CYTIP: variants seen among roughly 807,000 people sequenced by gnomAD.
The protein encoded by CYTIP is cytohesin-interacting protein.
In CYTIP, 26 loss-of-function variants were observed where a neutral mutation model predicts 43.8. The observed-to-expected ratio is 0.59, with a 90% CI of 0.44 to 0.82. The LOEUF (loss-of-function observed/expected upper bound fraction) is 0.82. CYTIP is among the 40% of genes least tolerant of loss of function. CYTIP has a pLI of 0.00. For missense variants in CYTIP, 426 were observed against 443.1 expected (o/e 0.96, Z 0.35); for synonymous variants, 162 against 162.9 (o/e 0.99, Z 0.04).
chr2:157,416,863 T>C (rs1257211861), intron 7 of CYTIP, among the ~76,000 whole-genome samples: 5 of 152,146 alleles, frequency 3.3e-5, no homozygotes, highest in Non-Finnish European at 7.4e-5. Flanking sequence ...ATTTTTTTCA[T>C]TGATCCTTAA....
intron 1 of CYTIP, among the ~76,000 whole-genome samples, chr2:157,441,710 C>CT (rs759686839): frequency 6.6e-6 from 1 of 152,112 alleles, no homozygotes; most frequent in Non-Finnish European, 1.5e-5. Flanking sequence ...TGATTGCCTT[C>CT]TTTCAGTTCA....
intron 1 of CYTIP, among the ~76,000 whole-genome samples, chr2:157,443,396 G>A (rs1685946928): frequency 6.6e-6 from 1 of 152,196 alleles, no homozygotes; most frequent in African/African-American, 2.4e-5. Context: ...ACCCAGAGCT[G>A]AAGATAATTA....
At position 157,437,014 on chromosome 2, in the gene CYTIP, A is replaced by C. The variant is rs571750167; in HGVS notation, c.175-2267T>G. 3.5e-4 allele frequency among the ~76,000 whole-genome samples: 53 copies of C among 152,318 alleles called. 2 individuals carry two copies. The South Asian group carries it at 0.011, about 30-fold the overall frequency. ...AGACAACTGTATATCCATATGCAGA[A>C]GAAAGAAACTAGACCATACCTCTCA... On this transcript the variant is annotated intron_variant, in intron 1 of 7. Transcript: ENST00000264192.
At position 157,415,416 on chromosome 2, in the gene CYTIP, T is replaced by C. The variant is rs1019898220; in HGVS notation, c.*261A>G. 10 of 356,222 alleles carry C rather than the reference T, an allele frequency of 2.8e-5. No individual in the cohort carries two copies. In the South Asian group the frequency reaches 4.2e-4, roughly 15 times the overall value. The allele number at this position is 356,222 out of a possible 1,614,324, so 22.1% of individuals were successfully genotyped here. Reference sequence around the variant, plus strand: ...TTAGTTTTGCTTTCAAAGACATTACTGGAATGAGCAGGAACCTGCATCTTT... The same window carrying C: ...TTAGTTTTGCTTTCAAAGACATTACCGGAATGAGCAGGAACCTGCATCTTT... On this transcript the variant is annotated 3_prime_UTR_variant, in exon 8 of 8. Transcript: ENST00000264192.
intron 3 of CYTIP, 67 bp downstream of exon 3, chr2:157,434,303 C>A: frequency 8.1e-7 from 1 of 1,228,006 alleles, no homozygotes; most frequent in Non-Finnish European, 1.2e-6. Flanking sequence ...TTTTTCTTTG[C>A]ACATAACATG....
intron 1 of CYTIP, among the ~76,000 whole-genome samples, chr2:157,440,324 C>T (rs961889270): frequency 2.0e-5 from 3 of 152,076 alleles, no homozygotes; most frequent in East Asian, 1.9e-4. Context: ...GTTAAGTGCC[C>T]GGAGAAACCG....
chr2:157,417,525 A>G (rs1685456008), intron 7 of CYTIP, among the ~76,000 whole-genome samples: 1 of 152,212 alleles, frequency 6.6e-6, no homozygotes, highest in African/African-American at 2.4e-5. Flanking sequence ...GTCTAAAGAA[A>G]GCAAGGAGGT....
chr2:157,423,916 TA>T (rs1156653844), intron 6 of CYTIP, among the ~76,000 whole-genome samples: 2 of 152,076 alleles, frequency 1.3e-5, no homozygotes, highest in African/African-American at 4.8e-5. Context: ...AACAGATGCA[TA>T]AAAAAAGTAT....
chr2:157,415,969 G>A lies in CYTIP; in HGVS notation c.788C>T (p.Thr263Met), dbSNP rs200585803. The change falls in exon 8 of 8, where the codon ACG becomes ATG. Residue 263 changes from threonine (T) to methionine (M), a missense_variant. By Grantham distance (81) the Thr-to-Met change is moderately conservative (BLOSUM62 -1). Coordinates refer to ENST00000264192, the MANE Select transcript of CYTIP (RefSeq NM_004288.5). ...MTMDSEDGYQ[T>M]CVSEDSSRGA... is the part of the protein sequence containing the mutation. ...CCTGCTGGAGTCCTCAGACACACACGTCTGGTAGCCATCTTCACTGTCCAT... is the reference window on the plus strand; with the variant it reads ...CCTGCTGGAGTCCTCAGACACACACATCTGGTAGCCATCTTCACTGTCCAT... 407 of 1,614,078 alleles carry A rather than the reference G, an allele frequency of 2.5e-4. No individual in the cohort carries two copies. The highest frequency in any genetic ancestry group is 3.3e-4 in the Non-Finnish European group (388 of 1,180,036).
At chr2:157,436,750 C>T (rs745797555) in intron 1 of CYTIP, among the ~76,000 whole-genome samples, 2 of 151,926 alleles carry the variant, frequency 1.3e-5, no homozygotes, top group Non-Finnish European at 2.9e-5. Context: ...AGAATGGAAA[C>T]TTAAAAATGG....
At chr2:157,417,824 G>C (rs1440472566) in intron 7 of CYTIP, among the ~76,000 whole-genome samples, 1 of 152,114 alleles carries the variant, frequency 6.6e-6, no homozygotes, top group Non-Finnish European at 1.5e-5. Context: ...CTAGGTTACA[G>C]ACTTAAGCTT....
In CYTIP at chr2:157,415,938, G is replaced by T. The variant is rs138085603; in HGVS notation, c.819C>A (p.Ala273=). 1,356 of 1,614,066 alleles carry T rather than the reference G, an allele frequency of 8.4e-4. 3 individuals are homozygous for T. The highest frequency in any genetic ancestry group is 1.1e-3 in the Non-Finnish European group (1,253 of 1,180,034). Residue 273 remains alanine, a synonymous_variant, in exon 8 of 8, where the codon GCC becomes GCA. Coordinates refer to ENST00000264192, the MANE Select transcript of CYTIP (RefSeq NM_004288.5). ...TCVSEDSSRG[A]FSRQTSTDDE... ...CATCTGTACTCGTCTGCCGACTGAA[G>T]GCACCCCTGCTGGAGTCCTCAGACA...
intron 6 of CYTIP, among the ~76,000 whole-genome samples, chr2:157,421,407 A>G (rs1218534963): frequency 6.6e-6 from 1 of 152,262 alleles, no homozygotes; most frequent in Non-Finnish European, 1.5e-5. Flanking sequence ...ATACAGCTGA[A>G]CATTTCCATG....
chr2:157,418,594 G>C lies in CYTIP; in HGVS notation c.547-5C>G. 7.1e-7 allele frequency: 1 copy of C among 1,417,790 alleles called. No homozygotes were observed. The highest frequency in any genetic ancestry group is 1.4e-5 in the South Asian group (1 of 72,308). The allele number at this position is 1,417,790 out of a possible 1,614,324, so 87.8% of individuals were successfully genotyped here. On this transcript the variant is annotated splice_polypyrimidine_tract_variant and splice_region_variant and intron_variant, in intron 6 of 7. Transcript: ENST00000264192. ...CCATTTTTGTTTCAAAGTTTGCTGT[G>C]AGATTAAAAAAAAAAAAAAAAAGTT...
chr2:157,436,230 A>ATTGGACTGTGTATTGGTATTGGACTGT (rs1685805314), intron 1 of CYTIP, among the ~76,000 whole-genome samples: 1 of 152,204 alleles, frequency 6.6e-6, no homozygotes, highest in African/African-American at 2.4e-5. Flanking sequence ...AATGCCTACA[A>ATTGGACTGTGTATTGGTATTGGACTGT]GGATTGGTAT....
At chr2:157,433,523 T>C (rs1685746117) in intron 3 of CYTIP, among the ~76,000 whole-genome samples, 1 of 152,064 alleles carries the variant, frequency 6.6e-6, no homozygotes, top group Non-Finnish European at 1.5e-5. Context: ...AAAGCTAAGA[T>C]CTAAAATCTG....
intron 3 of CYTIP, among the ~76,000 whole-genome samples, chr2:157,432,303 A>G (rs1685725615): frequency 6.6e-6 from 1 of 152,192 alleles, no homozygotes; most frequent in Admixed American, 6.5e-5. Flanking sequence ...GTAGTTAGAA[A>G]TAGAAAAAAA....
chr2:157,418,670 A>G (rs935352415), intron 6 of CYTIP, 81 bp from the exon 7 acceptor site: 5 of 1,307,086 alleles, frequency 3.8e-6, no homozygotes, highest in Non-Finnish European at 5.2e-6. Context: ...CTAGGTGTTG[A>G]GATTTGTCAT....
In CYTIP at chr2:157,415,413, T is replaced by G. The variant is rs1188008352; in HGVS notation, c.*264A>C. ...ATATTAGTTTTGCTTTCAAAGACAT[T>G]ACTGGAATGAGCAGGAACCTGCATC... On this transcript the variant is annotated 3_prime_UTR_variant, in exon 8 of 8. Coordinates refer to ENST00000264192, the MANE Select transcript of CYTIP (RefSeq NM_004288.5). 2 of 347,300 alleles carry G rather than the reference T, an allele frequency of 5.8e-6. No homozygotes were observed. Among genetic ancestry groups the G allele is most frequent in the Admixed American group, 9.0e-5 (2 of 22,186 alleles). The allele number at this position is 347,300 out of a possible 1,614,324, so 21.5% of individuals were successfully genotyped here.
Sources: gnomAD v4.1 joint callset for allele counts (sites outside exome capture counted in the v4.1 genomes callset) on GRCh38, gnomAD v4.1.1 for gene constraint, MANE v1.5 for transcripts, NCBI Gene and HGNC (gene_info 2026-07-23, HGNC 2026-07-21) for gene names.